Variants in TRHDE observed in about 807,000 individuals in gnomAD.
The protein encoded by TRHDE is thyrotropin releasing hormone degrading enzyme, also known as thyrotropin-releasing hormone-degrading ectoenzyme.
TRHDE carries 72 observed loss-of-function variants against 125.7 expected under a neutral mutation model. That is an observed-to-expected ratio of 0.57 (90% CI 0.47 to 0.70). TRHDE has a LOEUF of 0.70. Among genes scored for constraint, TRHDE ranks in the 30% least tolerant of loss-of-function variants. The pLI, the probability that TRHDE is intolerant of heterozygous loss-of-function variation, is 0.00. For synonymous variants in TRHDE, 509 were observed against 509.1 expected (o/e 1.00, Z 0.00); for missense variants, 1,110 against 1,327.1 (o/e 0.84, Z 2.54).
At chr12:72,388,102 G>GT (rs1872502945) in intron 3 of TRHDE, among the ~76,000 whole-genome samples, 1 of 151,536 alleles carries the variant, frequency 6.6e-6, no homozygotes, top group South Asian at 2.1e-4. Context: ...ATTCCTCGCT[G>GT]TTTCTCCAAC....
chr12:72,159,343 C>A (rs1047045663), intron 2 of TRHDE, among the ~76,000 whole-genome samples: 2 of 152,104 alleles, frequency 1.3e-5, no homozygotes, highest in Non-Finnish European at 1.5e-5. Flanking sequence ...AGAGGAAGAT[C>A]AGGAAAGACT....
chr12:72,211,771 A>G (rs755789536), intron 2 of TRHDE, among the ~76,000 whole-genome samples: 5 of 152,192 alleles, frequency 3.3e-5, no homozygotes, highest in Non-Finnish European at 5.9e-5. Context: ...TTTTAACAAA[A>G]AAGACTAATA....
intron 6 of TRHDE, among the ~76,000 whole-genome samples, chr12:72,533,723 G>GTTTTTTTTTTTTTTTGTTTTTTTTTTT (rs1868696845): frequency 2.0e-5 from 2 of 97,898 alleles, no homozygotes; most frequent in Non-Finnish European, 4.6e-5. Context: ...TTTTCTATTT[G>GTTTTTTTTTTTTTTTGTTTTTTTTTTT]TTTTTTTTTT....
At chr12:72,323,785 G>A (rs1282033525) in intron 2 of TRHDE, among the ~76,000 whole-genome samples, 1 of 152,046 alleles carries the variant, frequency 6.6e-6, no homozygotes, top group Non-Finnish European at 1.5e-5. Context: ...GAGAGATGGG[G>A]TTGTCATGGA....
chr12:72,273,170 A>AGCC lies in TRHDE; in HGVS notation c.529_531dup (p.Pro177dup). ...CAGCCGCCGTCGGAGGAGGAGCGGGAGCCGTGGGAGCCGTGGACGCAGCTG... is the reference window on the plus strand; with the variant it reads ...CAGCCGCCGTCGGAGGAGGAGCGGGAGCCGCCGTGGGAGCCGTGGACGCAGCTG... On this transcript the variant is annotated inframe_insertion, in exon 1 of 19. Coordinates refer to ENST00000261180, the MANE Select transcript of TRHDE (RefSeq NM_013381.3). This position sits in a 1 kb window ranked among gnomAD's most constrained non-coding sequence, Gnocchi z 5.3. The AGCC allele has an allele frequency of 6.3e-7, 1 of 1,587,546 alleles. No individual in the cohort carries two copies. The highest frequency in any genetic ancestry group is 8.6e-7 in the Non-Finnish European group (1 of 1,163,172).
intron 2 of TRHDE, among the ~76,000 whole-genome samples, chr12:72,249,777 C>T (rs1767089304): frequency 6.6e-6 from 1 of 152,120 alleles, no homozygotes; most frequent in Non-Finnish European, 1.5e-5. Flanking sequence ...TAGATCCAGT[C>T]ATTCCACTTC....
In TRHDE at chr12:72,380,488, A is replaced by G. The variant is rs192062057; in HGVS notation, c.1315+2367A>G. On this transcript the variant is annotated intron_variant, in intron 3 of 18. Coordinates refer to ENST00000261180, the MANE Select transcript of TRHDE (RefSeq NM_013381.3). ...CATTAGGAAGATGGCTTTTAAGTGA[A>G]GGACTAAACTCAGCAGATATCATGG... 3.5e-4 allele frequency among the ~76,000 whole-genome samples: 53 copies of G among 152,304 alleles called. 2 individuals carry two copies. The highest frequency in any genetic ancestry group is 1.8e-4 in the Non-Finnish European group (12 of 68,028).
intron 12 of TRHDE, among the ~76,000 whole-genome samples, chr12:72,602,588 G>A (rs1872252225): frequency 6.6e-6 from 1 of 152,086 alleles, no homozygotes; most frequent in African/African-American, 2.4e-5. Context: ...AGAAGTGGTG[G>A]GCTGGAGAAG....
At chr12:72,406,410 G>GT (rs1311397424) in intron 3 of TRHDE, among the ~76,000 whole-genome samples, 8 of 152,122 alleles carry the variant, frequency 5.3e-5, no homozygotes, top group African/African-American at 1.9e-4. Flanking sequence ...CAGAGGTCAA[G>GT]ATACTTGGGC....
chr12:72,186,857 A>G (rs1877226581), intron 2 of TRHDE, among the ~76,000 whole-genome samples: 3 of 151,930 alleles, frequency 2.0e-5, no homozygotes, highest in South Asian at 2.1e-4. Flanking sequence ...ACTAGTTCCA[A>G]TTAGATTCCA....
At chr12:72,203,068 G>T (rs1208283813) in intron 2 of TRHDE, among the ~76,000 whole-genome samples, 1 of 152,020 alleles carries the variant, frequency 6.6e-6, no homozygotes, top group Admixed American at 6.6e-5. Context: ...TACACATAGT[G>T]AACTATTATG....
intron 12 of TRHDE, among the ~76,000 whole-genome samples, chr12:72,586,461 T>G (rs556068828): frequency 1.3e-5 from 2 of 152,264 alleles, no homozygotes; most frequent in African/African-American, 4.8e-5. Context: ...TGAAGAGGCC[T>G]TCACTATTTT....
chr12:72,238,752 C>T (rs1878414980), intron 2 of TRHDE, among the ~76,000 whole-genome samples: 2 of 152,182 alleles, frequency 1.3e-5, no homozygotes, highest in African/African-American at 2.4e-5. Flanking sequence ...CATAGTATTC[C>T]ATGGTGTATA....
chr12:72,390,773 C>T (rs1170508129), intron 3 of TRHDE, among the ~76,000 whole-genome samples: 1 of 152,124 alleles, frequency 6.6e-6, no homozygotes, highest in East Asian at 1.9e-4. Flanking sequence ...ATCAGGACAT[C>T]ACTCCTTTAC....
At chr12:72,385,291 C>G (rs896182794) in intron 3 of TRHDE, among the ~76,000 whole-genome samples, 3 of 151,932 alleles carry the variant, frequency 2.0e-5, no homozygotes, top group Non-Finnish European at 4.4e-5. Context: ...TTGGTGGAAA[C>G]TAACCTAAGG....
At chr12:72,534,767 T>C (rs1941031029) in intron 6 of TRHDE, among the ~76,000 whole-genome samples, 2 of 152,118 alleles carry the variant, frequency 1.3e-5, no homozygotes, top group Admixed American at 6.6e-5. Context: ...GACTATACTA[T>C]GGTATGGGCT....
intron 2 of TRHDE, among the ~76,000 whole-genome samples, chr12:72,330,318 G>A (rs1419603122): frequency 7.0e-6 from 1 of 143,140 alleles, no homozygotes; most frequent in East Asian, 2.1e-4. Context: ...AAAAAATAAA[G>A]GCAAAGAAAA....
chr12:72,542,231 C>A, intron 6 of TRHDE, 60 bp from the exon 7 acceptor site: 2 of 1,337,950 alleles, frequency 1.5e-6, no homozygotes, highest in Non-Finnish European at 2.1e-6. Flanking sequence ...TTGAGTAAAA[C>A]AACTTTACAA....
intron 15 of TRHDE, among the ~76,000 whole-genome samples, chr12:72,639,316 A>C (rs1873924112): frequency 6.6e-6 from 1 of 151,178 alleles, no homozygotes; most frequent in Non-Finnish European, 1.5e-5. Flanking sequence ...AGGCTTCTGC[A>C]TTCTTCACGT....
Sources: allele counts gnomAD v4.1 joint callset (sites outside exome capture counted in the v4.1 genomes callset), GRCh38; gene constraint gnomAD v4.1.1; non-coding constraint Gnocchi (gnomAD v3.1); transcripts MANE v1.5; gene names NCBI Gene and HGNC (gene_info 2026-07-23, HGNC 2026-07-21).